Variants in FGGY observed in about 807,000 individuals in gnomAD.
The protein encoded by FGGY is FGGY carbohydrate kinase domain containing.
A neutral mutation model predicts 71.3 loss-of-function variants in FGGY; 72 were observed. The observed-to-expected ratio is 1.01, with a 90% CI of 0.84 to 1.23. FGGY has a LOEUF of 1.23. FGGY is among the 50% of genes most tolerant of loss of function. FGGY has a pLI of 0.00. For missense variants in FGGY, 668 were observed against 682.3 expected, an observed-to-expected ratio of 0.98 and a Z score of 0.23; for synonymous variants, 251 against 250.3, an observed-to-expected ratio of 1.00 and a Z score of -0.02.
chr1:59,685,257 G>A (rs1427454254), intron 14 of FGGY, among the ~76,000 whole-genome samples: 1 of 152,000 alleles, frequency 6.6e-6, no homozygotes, highest in Non-Finnish European at 1.5e-5. Flanking sequence ...AGGGAATGGT[G>A]GGGCAGAGCC....
chr1:59,613,532 A>C (rs2096714653), intron 9 of FGGY, among the ~76,000 whole-genome samples: 1 of 152,232 alleles, frequency 6.6e-6, no homozygotes, highest in African/African-American at 2.4e-5. Flanking sequence ...CTAAATGCCC[A>C]CAAGAGAAAG....
intron 14 of FGGY, among the ~76,000 whole-genome samples, chr1:59,752,526 T>G (rs2101720908): frequency 6.6e-6 from 1 of 152,322 alleles, no homozygotes; most frequent in East Asian, 1.9e-4. Context: ...GAGAAGGTAC[T>G]AGATCTTCTG....
At chr1:59,321,898 A>C in intron 2 of FGGY, 148 bp downstream of exon 2, 1 of 688,992 alleles carries the variant, frequency 1.5e-6, no homozygotes, top group South Asian at 1.9e-5. Context: ...CTCACAGTCT[A>C]CTGGCAGAGA....
At chr1:59,394,714 G>A (rs2061115155) in intron 5 of FGGY, among the ~76,000 whole-genome samples, 1 of 152,128 alleles carries the variant, frequency 6.6e-6, no homozygotes, top group Admixed American at 6.6e-5. Flanking sequence ...CTTCAGATTT[G>A]CATTGAAAAA....
chr1:59,521,043 G>GC (rs925777530), intron 7 of FGGY, among the ~76,000 whole-genome samples: 1 of 141,036 alleles, frequency 7.1e-6, no homozygotes, highest in African/African-American at 2.6e-5. Flanking sequence ...GGGTGGGGGG[G>GC]GATTAGAAAT....
intron 8 of FGGY, among the ~76,000 whole-genome samples, chr1:59,569,377 A>G (rs919610194): frequency 1.3e-5 from 2 of 152,206 alleles, no homozygotes; most frequent in Non-Finnish European, 2.9e-5. Flanking sequence ...ATATTTCCAC[A>G]TCTGAGAGAT....
chr1:59,713,351 T>C (rs2097814331), intron 14 of FGGY, among the ~76,000 whole-genome samples: 1 of 152,200 alleles, frequency 6.6e-6, no homozygotes, highest in Non-Finnish European at 1.5e-5. Flanking sequence ...TGTTACCCAG[T>C]TCCAAAGCCG....
At chr1:59,389,937 T>G (rs1356023050) in intron 5 of FGGY, among the ~76,000 whole-genome samples, 1 of 152,110 alleles carries the variant, frequency 6.6e-6, no homozygotes, top group Non-Finnish European at 1.5e-5. Context: ...AATTAAAAAT[T>G]AAAGGTGTCT....
At chr1:59,632,431 A>G (rs534801102) in intron 10 of FGGY, among the ~76,000 whole-genome samples, 2 of 151,942 alleles carry the variant, frequency 1.3e-5, no homozygotes, top group Admixed American at 1.3e-4. Flanking sequence ...ATTTTTCTTG[A>G]TCTGATTTAT....
chr1:59,401,102 A>G (rs2061908310), intron 5 of FGGY, among the ~76,000 whole-genome samples: 2 of 152,206 alleles, frequency 1.3e-5, no homozygotes, highest in Admixed American at 6.5e-5. Flanking sequence ...TTCTTCGTCA[A>G]GTAGCTAATA....
rs187459708 is a variant in FGGY, at chr1:59,660,563, A to C, written c.1296+270A>C. 6.5e-4 allele frequency: 192 copies of C among 296,072 alleles called. 1 individual carries two copies. The East Asian group carries it at 0.011, about 16-fold the overall frequency. 18.3% of individuals were successfully genotyped at this position (296,072 alleles called of 1,614,324 possible). On this transcript the variant is annotated intron_variant, in intron 12 of 15. Transcript: ENST00000303721. Reference sequence around the variant, plus strand: ...TTTATCTAATTTGTCTTCTAAATTTAATTAAATAGAAGCAAGCAAACAGAT... The same window carrying C: ...TTTATCTAATTTGTCTTCTAAATTTCATTAAATAGAAGCAAGCAAACAGAT...
At chr1:59,639,065 C>T (rs573086717) in intron 11 of FGGY, among the ~76,000 whole-genome samples, 2 of 152,066 alleles carry the variant, frequency 1.3e-5, no homozygotes, top group East Asian at 3.9e-4. Context: ...GAGGAGGGGC[C>T]AGGTGAGGCC....
At chr1:59,296,732 GGGGCCGCGCTTTA>G (rs2042001366), upstream of FGGY, 3 of 151,752 alleles carry the variant, frequency 2.0e-5, no homozygotes, top group African/African-American at 7.3e-5. Flanking sequence ...GCGCTTTACA[GGGGCCGCGCTTTA>G]CAGGGGCCGC....
At chr1:59,392,270 T>C (rs542458919) in intron 5 of FGGY, among the ~76,000 whole-genome samples, 1 of 152,224 alleles carries the variant, frequency 6.6e-6, no homozygotes, top group South Asian at 2.1e-4. Context: ...TTGGTAGAGG[T>C]TCAAATCAGT....
intron 14 of FGGY, among the ~76,000 whole-genome samples, chr1:59,740,122 C>T (rs1020764773): frequency 1.3e-5 from 2 of 152,218 alleles, no homozygotes; most frequent in Admixed American, 6.5e-5. Flanking sequence ...TGGCTCCTTA[C>T]TGTTGGTAAT....
chr1:59,706,661 G>A (rs781710710), intron 14 of FGGY, among the ~76,000 whole-genome samples: 23 of 152,158 alleles, frequency 1.5e-4, no homozygotes, highest in Non-Finnish European at 2.9e-4. Flanking sequence ...CTACTGTGGT[G>A]ATGAGTATCA....
chr1:59,445,548 A>G (rs192525806), intron 5 of FGGY, among the ~76,000 whole-genome samples: 80 of 152,342 alleles, frequency 5.3e-4, no homozygotes, highest in South Asian at 1.7e-3. Flanking sequence ...TCTCAAAACC[A>G]GACTTCATTT....
intron 7 of FGGY, among the ~76,000 whole-genome samples, chr1:59,533,832 C>A (rs1421340291): frequency 6.6e-6 from 1 of 152,180 alleles, no homozygotes; most frequent in African/African-American, 2.4e-5. Context: ...CCCATCTGTA[C>A]ATCACCATCA....
intron 11 of FGGY, among the ~76,000 whole-genome samples, chr1:59,640,313 A>T (rs1172047022): frequency 6.6e-6 from 1 of 152,230 alleles, no homozygotes; most frequent in Non-Finnish European, 1.5e-5. Flanking sequence ...CCTTCAGTCC[A>T]GTTTTGGAAA....
Sources: gnomAD v4.1 joint callset for allele counts (sites outside exome capture counted in the v4.1 genomes callset) on GRCh38, gnomAD v4.1.1 for gene constraint, MANE v1.5 for transcripts, NCBI Gene and HGNC (gene_info 2026-07-23, HGNC 2026-07-21) for gene names.